GLDN: variants seen among roughly 807,000 people sequenced by gnomAD.
GLDN encodes the protein gliomedin, also known as collomin.
Under a neutral mutation model 56.5 loss-of-function variants are expected in GLDN, and 47 were observed. The observed-to-expected ratio is 0.83, with a 90% CI of 0.66 to 1.06. The LOEUF is 1.06. Among genes scored for constraint, GLDN ranks in the 50% least tolerant of loss-of-function variants. The pLI, the probability that GLDN is intolerant of heterozygous loss-of-function variation, is 0.00. For synonymous variants in GLDN, 332 were observed against 278.8 expected, an observed-to-expected ratio of 1.19 and a Z score of -1.90; for missense variants, 782 against 714.3, an observed-to-expected ratio of 1.09 and a Z score of -1.08.
At chr15:51,359,752 G>A (rs1262675551) in intron 1 of GLDN, among the ~76,000 whole-genome samples, 8 of 152,002 alleles carry the variant, frequency 5.3e-5, no homozygotes, top group South Asian at 4.2e-4. Context: ...CGAGGAGGGC[G>A]GATCATGAGG....
At chr15:51,402,452 C>T (rs1022567173) in intron 9 of GLDN, among the ~76,000 whole-genome samples, 1 of 152,242 alleles carries the variant, frequency 6.6e-6, no homozygotes, top group Non-Finnish European at 1.5e-5. Context: ...CTGGCTCCAA[C>T]TCTTGTGCCT....
At chr15:51,365,105 G>C (rs150849522) in intron 1 of GLDN, among the ~76,000 whole-genome samples, 1 of 152,352 alleles carries the variant, frequency 6.6e-6, no homozygotes, top group African/African-American at 2.4e-5. Flanking sequence ...GCTGGGAAAA[G>C]TATTAGAGTC....
chr15:51,400,125 C>A, intron 6 of GLDN, 67 bp from the exon 7 acceptor site: 2 of 1,343,378 alleles, frequency 1.5e-6, no homozygotes, highest in Non-Finnish European at 2.1e-6. Context: ...AGAGCAGCAG[C>A]TATAAAGTCC....
At chr15:51,385,040 G>C (rs1345819025) in intron 4 of GLDN, 1 of 152,208 alleles carries the variant, frequency 6.6e-6, no homozygotes, top group Non-Finnish European at 1.5e-5. Context: ...CCAGAGGGCA[G>C]CTTCAGAGAA....
chr15:51,372,344 A>G (rs1000782141), intron 1 of GLDN, among the ~76,000 whole-genome samples: 20 of 152,204 alleles, frequency 1.3e-4, no homozygotes, highest in Non-Finnish European at 2.8e-4. Context: ...CCAAACGTTC[A>G]ATGCTGAAAA....
chr15:51,405,456 T>C lies in GLDN; in HGVS notation c.*702T>C, dbSNP rs2038359410. 6.6e-6 allele frequency: 1 copy of C among 151,642 alleles called. No homozygotes were observed. Among genetic ancestry groups the C allele is most frequent in the African/African-American group, 2.4e-5 (1 of 41,210 alleles). The allele number at this position is 151,642 out of a possible 1,614,324, so 9.4% of individuals were successfully genotyped here. A position where few individuals can be genotyped will look rare whatever the true frequency, so the allele number is the denominator to read the frequency against. ...AATAGAGAGAGAGTCTTGCTATGTT[T>C]CCCAGGCTGGTCTTGAACTCCTGGG... On this transcript the variant is annotated 3_prime_UTR_variant, in exon 10 of 10. Transcript: ENST00000335449.
intron 1 of GLDN, among the ~76,000 whole-genome samples, chr15:51,372,387 CGTT>C (rs985807535): frequency 4.9e-4 from 75 of 152,300 alleles, no homozygotes; most frequent in African/African-American, 1.8e-3. Flanking sequence ...TGTCCCTGTC[CGTT>C]GCTGCATTGA....
chr15:51,401,371 C>A (rs949084275), intron 8 of GLDN, among the ~76,000 whole-genome samples: 1 of 152,198 alleles, frequency 6.6e-6, no homozygotes, highest in African/African-American at 2.4e-5. Flanking sequence ...CCAGGAGCAG[C>A]CAGGCCAGTT....
In GLDN at chr15:51,378,741, A is replaced by G. The variant is rs556071227; in HGVS notation, c.415+1241A>G. 1.6e-4 allele frequency among the ~76,000 whole-genome samples: 24 copies of G among 152,316 alleles called. No individual in the cohort carries two copies. In the South Asian group the frequency reaches 3.3e-3, roughly 21 times the overall value. On this transcript the variant is annotated intron_variant, in intron 2 of 9. Coordinates refer to ENST00000335449, the MANE Select transcript of GLDN (RefSeq NM_181789.4). ...TGAAATTGGGCCTCCTTTTGCACAG[A>G]AAGTTCTTCAATTAAAATTAGATGT...
At position 51,383,767 on chromosome 15, in the gene GLDN, T is replaced by C; in HGVS notation, c.434-18T>C. 6.4e-7 allele frequency: 1 copy of C among 1,563,820 alleles called. No homozygotes were observed. The highest frequency in any genetic ancestry group is 8.7e-7 in the Non-Finnish European group (1 of 1,151,800). On this transcript the variant is annotated intron_variant, in intron 3 of 9. Coordinates refer to ENST00000335449, the MANE Select transcript of GLDN (RefSeq NM_181789.4). ...TTTTTTTTTTGGTTAATGTCCCTGT[T>C]TCTGTGTTTTGATGCAGGACCTCCG...
chr15:51,384,069 G>T, intron 4 of GLDN, 177 bp downstream of exon 4: 2 of 670,450 alleles, frequency 3.0e-6, no homozygotes, highest in South Asian at 1.6e-5. Context: ...ATACTTCTTG[G>T]TCCCACCTTG....
chr15:51,412,300 T>C (rs971303321), downstream of GLDN, among the ~76,000 whole-genome samples: 1 of 152,228 alleles, frequency 6.6e-6, no homozygotes, highest in Admixed American at 6.5e-5. Context: ...CTACGATTCC[T>C]CTATGCTTTT....
chr15:51,387,254 G>A (rs1356401443), intron 4 of GLDN, among the ~76,000 whole-genome samples: 2 of 152,184 alleles, frequency 1.3e-5, no homozygotes, highest in African/African-American at 2.4e-5. Context: ...AGCAGATGTC[G>A]AGTGCTATTG....
intron 1 of GLDN, among the ~76,000 whole-genome samples, chr15:51,373,834 C>G (rs1237132879): frequency 2.0e-5 from 3 of 152,210 alleles, no homozygotes; most frequent in Non-Finnish European, 4.4e-5. Context: ...TCAACCTTCT[C>G]AAGACCTCCC....
intron 1 of GLDN, among the ~76,000 whole-genome samples, chr15:51,356,071 G>C (rs542747379): frequency 2.4e-4 from 36 of 151,786 alleles, no homozygotes; most frequent in African/African-American, 8.4e-4. Context: ...GCCGGGCGTG[G>C]TGGTGCGTGC....
rs1339195922 is a variant in GLDN at position 51,400,213 on chromosome 15, A to T, written c.839A>T (p.Asn280Ile). 2 of 1,614,152 alleles carry T rather than the reference A, an allele frequency of 1.2e-6. No homozygotes were observed. The highest frequency in any genetic ancestry group is 1.7e-6 in the Non-Finnish European group (2 of 1,179,970). ...TTAGGTGAGACTTGTGCCATACCAA[A>T]TGATGATACCTTGGTTGGAAAAGCT... ...QCPGETCAIP[N>I]DDTLVGKADE... The change falls in exon 7 of 10, where the codon AAT becomes ATT. Residue 280 changes from asparagine to isoleucine, a missense_variant. Transcript: ENST00000335449.
intron 1 of GLDN, among the ~76,000 whole-genome samples, chr15:51,344,337 A>G (rs974844023): frequency 2.0e-5 from 3 of 152,228 alleles, no homozygotes; most frequent in African/African-American, 7.2e-5. Flanking sequence ...AGACCCCATC[A>G]AGGCCTTTGC....
At chr15:51,391,027 G>C (rs1001983172) in intron 4 of GLDN, among the ~76,000 whole-genome samples, 1 of 152,204 alleles carries the variant, frequency 6.6e-6, no homozygotes, top group African/African-American at 2.4e-5. Context: ...CGAAAGCACA[G>C]CCAGGGCAAT....
intron 1 of GLDN, among the ~76,000 whole-genome samples, chr15:51,349,495 T>C (rs540399442): frequency 6.8e-4 from 104 of 152,356 alleles, no homozygotes; most frequent in African/African-American, 2.4e-3. Context: ...TAATATTGTG[T>C]GACATGTGAA....
Sources: gnomAD v4.1 joint callset for allele counts (sites outside exome capture counted in the v4.1 genomes callset) on GRCh38, gnomAD v4.1.1 for gene constraint, MANE v1.5 for transcripts, NCBI Gene and HGNC (gene_info 2026-07-23, HGNC 2026-07-21) for gene names.